Variants in SENP1 observed in about 807,000 individuals in gnomAD.
SENP1 encodes SUMO specific peptidase 1, also known as sentrin-specific protease 1.
Under a neutral mutation model 93.0 loss-of-function variants are expected in SENP1, and 21 were observed. The observed-to-expected ratio is 0.23, with a 90% confidence interval of 0.16 to 0.33. The LOEUF is 0.33. Among genes scored for constraint, SENP1 ranks in the 10% least tolerant of loss-of-function variants. The pLI, the probability that SENP1 is intolerant of heterozygous loss-of-function variation, is 1.00. For missense variants in SENP1, 591 were observed against 758.7 expected (o/e 0.78, Z 2.60); for synonymous variants, 256 against 259.6 (o/e 0.99, Z 0.13).
intron 1 of SENP1, among the ~76,000 whole-genome samples, chr12:48,104,255 ACG>A: frequency 1.9e-3 from 1 of 540 alleles, no homozygotes; most frequent in Non-Finnish European, 4.7e-3. Context: ...AGAGAGAGAG[ACG>A]GGGGGGGGGG....
intron 1 of SENP1, among the ~76,000 whole-genome samples, chr12:48,104,934 T>G (rs1946368130): frequency 6.6e-6 from 1 of 152,156 alleles, no homozygotes; most frequent in Admixed American, 6.5e-5. Context: ...GGTGGTAGAG[T>G]GTAAACTGGA....
chr12:48,071,837 AAG>A, intron 8 of SENP1, 116 bp from the exon 9 acceptor site: 1 of 680,324 alleles, frequency 1.5e-6, no homozygotes, highest in Non-Finnish European at 2.5e-6. Context: ...AAAATAACAT[AAG>A]AACAAAGGTT....
intron 8 of SENP1, among the ~76,000 whole-genome samples, 165 bp from the exon 9 acceptor site, chr12:48,071,886 G>A (rs1943731910): frequency 6.6e-6 from 1 of 152,186 alleles, no homozygotes; most frequent in Admixed American, 6.5e-5. Flanking sequence ...CATTGTCACT[G>A]AGAACAGAAA....
chr12:48,061,986 T>C (rs1386567897), intron 13 of SENP1, among the ~76,000 whole-genome samples: 2 of 152,116 alleles, frequency 1.3e-5, no homozygotes, highest in African/African-American at 4.8e-5. Flanking sequence ...CTTTCCTTCT[T>C]CTCATCTCCT....
At chr12:48,099,990 C>T (rs929431191) in intron 2 of SENP1, among the ~76,000 whole-genome samples, 4 of 151,930 alleles carry the variant, frequency 2.6e-5, no homozygotes, top group Non-Finnish European at 5.9e-5. Flanking sequence ...CAGAATTCAA[C>T]GACTTACACT....
chr12:48,098,413 G>A (rs1945705117), intron 2 of SENP1, among the ~76,000 whole-genome samples: 1 of 152,008 alleles, frequency 6.6e-6, no homozygotes, highest in South Asian at 2.1e-4. Flanking sequence ...GGGAGGTTGA[G>A]GCGGGTGGAT....
intron 1 of SENP1, chr12:48,105,469 G>C (rs753987626): frequency 1.9e-6 from 1 of 519,096 alleles, no homozygotes; most frequent in Admixed American, 1.9e-5. Flanking sequence ...GAGCAGGAGG[G>C]TCCAGACGTT....
intron 13 of SENP1, among the ~76,000 whole-genome samples, chr12:48,062,377 T>C (rs1279849692): frequency 5.3e-5 from 8 of 152,246 alleles, no homozygotes; most frequent in Non-Finnish European, 8.8e-5. Context: ...AATGTTCTAA[T>C]ATCTGAGCCA....
intron 13 of SENP1, among the ~76,000 whole-genome samples, chr12:48,053,875 A>G (rs12310999): frequency 0.17 from 25,472 of 152,208 alleles, 2,482 homozygotes; most frequent in East Asian, 0.28. Context: ...CAACAGTCCA[A>G]TGCTTTTCCA....
chr12:48,055,573 A>G (rs1030064685), intron 13 of SENP1: 10 of 151,964 alleles, frequency 6.6e-5, no homozygotes, highest in Admixed American at 6.6e-5. Flanking sequence ...CTGCCTTTTA[A>G]TTGGATGTTT....
At chr12:48,085,235 G>T in intron 5 of SENP1, 1 of 1,550,166 alleles carries the variant, frequency 6.5e-7, no homozygotes, top group Non-Finnish European at 8.9e-7. Flanking sequence ...TTCTAAACCG[G>T]GATGACACTG....
At chr12:48,082,083 G>T (rs2137121268) in intron 6 of SENP1, among the ~76,000 whole-genome samples, 1 of 151,476 alleles carries the variant, frequency 6.6e-6, no homozygotes, top group South Asian at 2.1e-4. Flanking sequence ...TAGAGACAGG[G>T]TTTCACTGTA....
chr12:48,062,388 A>G (rs1302447212), intron 13 of SENP1, among the ~76,000 whole-genome samples: 1 of 152,202 alleles, frequency 6.6e-6, no homozygotes, highest in East Asian at 1.9e-4. Flanking sequence ...ATCTGAGCCA[A>G]AAGAGGCAAA....
intron 13 of SENP1, among the ~76,000 whole-genome samples, chr12:48,054,280 T>C (rs1325579841): frequency 6.6e-6 from 1 of 152,234 alleles, no homozygotes; most frequent in African/African-American, 2.4e-5. Flanking sequence ...GCTTCACGTA[T>C]TTCGAAGTTC....
chr12:48,053,321 C>A (rs1353116153), intron 13 of SENP1, among the ~76,000 whole-genome samples: 3 of 151,338 alleles, frequency 2.0e-5, no homozygotes, highest in Non-Finnish European at 2.9e-5. Flanking sequence ...AAACTAAAAA[C>A]CAACAAAAAA....
At chr12:48,068,010 G>A (rs1943415443) in intron 9 of SENP1, among the ~76,000 whole-genome samples, 2 of 151,914 alleles carry the variant, frequency 1.3e-5, no homozygotes, top group Non-Finnish European at 1.5e-5. Context: ...ACAGGCACCC[G>A]CCACCACACC....
At chr12:48,084,814 C>T (rs1944736143) in intron 5 of SENP1, among the ~76,000 whole-genome samples, 1 of 152,092 alleles carries the variant, frequency 6.6e-6, no homozygotes, top group African/African-American at 2.4e-5. Flanking sequence ...GGTACTTATT[C>T]TTAGCATAAT....
Position 48,047,042 on chromosome 12 carries a change from C to T in SENP1, c.1712G>A (p.Ser571Asn). Residue 571 changes from serine (S) to asparagine (N), a missense_variant, in exon 16 of 18, where the codon AGC (serine) becomes AAC (asparagine). Transcript: ENST00000549518. The stretch of plus-strand genomic sequence containing the variant: ...AAACTCTTTCCTTTTCTTGTCAATG[C>T]TTTCTTGCTTTAGGTATTGCCTAAA... ...RILLQYLKQE[S>N]IDKKRKEFDT... 1 of 1,612,308 alleles carries T rather than the reference C, an allele frequency of 6.2e-7. No homozygotes were observed. Among genetic ancestry groups the T allele is most frequent in the Non-Finnish European group, 8.5e-7 (1 of 1,178,640 alleles).
intron 6 of SENP1, among the ~76,000 whole-genome samples, chr12:48,078,105 G>A (rs954372786): frequency 1.3e-5 from 2 of 151,268 alleles, no homozygotes; most frequent in Non-Finnish European, 2.9e-5. Flanking sequence ...TTTCAACATT[G>A]TATGTTTTTC....
Sources: gnomAD v4.1 joint callset for allele counts (sites outside exome capture counted in the v4.1 genomes callset) on GRCh38, gnomAD v4.1.1 for gene constraint, MANE v1.5 for transcripts, NCBI Gene and HGNC (gene_info 2026-07-23, HGNC 2026-07-21) for gene names.